Variants in DAB2IP observed in about 807,000 individuals in gnomAD.
DAB2IP encodes the protein DAB2 interacting protein.
Under a neutral mutation model 107.2 loss-of-function variants are expected in DAB2IP, and 28 were observed. The observed-to-expected ratio is 0.26, with a 90% CI of 0.19 to 0.36. DAB2IP has a LOEUF of 0.36. Among genes scored for constraint, DAB2IP ranks in the 10% least tolerant of loss-of-function variants. The pLI is 1.00. For missense variants in DAB2IP, 1,400 were observed against 1,644.7 expected (o/e 0.85, Z 2.57); for synonymous variants, 755 against 706.4 (o/e 1.07, Z -1.09).
chr9:121,711,523 A>G (rs1830336610), intron 3 of DAB2IP, among the ~76,000 whole-genome samples: 1 of 152,178 alleles, frequency 6.6e-6, no homozygotes, highest in Admixed American at 6.5e-5. Flanking sequence ...GCAGCTGTTA[A>G]CATCTGTGGA....
At chr9:121,783,613 G>GGGAAATAGCGGCCCTGGAGGAT in exon 16 of DAB2IP, 1 of 1,579,118 alleles carries the variant, frequency 6.3e-7, no homozygotes, top group Non-Finnish European at 8.7e-7. Flanking sequence ...CGCACTGCAT[G>GGGAAATAGCGGCCCTGGAGGAT]GGAAATAGCG....
intron 1 of DAB2IP, among the ~76,000 whole-genome samples, chr9:121,652,402 C>T (rs1199695594): frequency 6.6e-6 from 1 of 152,180 alleles, no homozygotes; most frequent in Non-Finnish European, 1.5e-5. Flanking sequence ...CAAAGTTTCT[C>T]TCCATCAAGC....
intron 1 of DAB2IP, among the ~76,000 whole-genome samples, chr9:121,586,007 C>T (rs1830304024): frequency 6.6e-6 from 1 of 152,126 alleles, no homozygotes; most frequent in African/African-American, 2.4e-5. Flanking sequence ...GTCGCTGGGC[C>T]TCTCCCTGCA....
chr9:121,679,542 G>A (rs778804289), intron 2 of DAB2IP, among the ~76,000 whole-genome samples: 39 of 152,108 alleles, frequency 2.6e-4, no homozygotes, highest in African/African-American at 4.3e-4. Context: ...GAAACGCAGC[G>A]ATGACATAGA....
intron 2 of DAB2IP, among the ~76,000 whole-genome samples, chr9:121,681,440 A>G (rs996890610): frequency 3.9e-5 from 6 of 152,166 alleles, no homozygotes; most frequent in African/African-American, 1.4e-4. Flanking sequence ...AACCACCTTC[A>G]GTCAGAGCCA....
Position 121,627,141 on chromosome 9 carries a change from TCACA to T in DAB2IP, c.41-51512_41-51509del, listed in dbSNP as rs374127830. Among the ~76,000 whole-genome samples, 516 of 126,566 alleles carry T rather than the reference TCACA, an allele frequency of 4.1e-3. 5 individuals are homozygous for T. The highest frequency in any genetic ancestry group is 0.032 in the South Asian group (119 of 3,696). The allele number at this position is 126,566 out of a possible 152,430, so 83.0% of individuals were successfully genotyped here. A position where few individuals can be genotyped will look rare whatever the true frequency, so the allele number is the denominator to read the frequency against. On this transcript the variant is annotated intron_variant, in intron 1 of 16. Coordinates refer to the DAB2IP transcript ENST00000259371. ...ACTCAACACACACACACACACACAC[TCACA>T]CACACACACACACACACACACACAA... is the stretch of plus-strand genomic sequence containing the variant.
rs528913973 is a variant in DAB2IP, at chr9:121,662,452, A to G, written c.124+10553A>G. On this transcript the variant is annotated intron_variant, in intron 1 of 15. Coordinates refer to ENST00000408936, the Ensembl canonical transcript of DAB2IP. The surrounding 1 kb of genome is among the most constrained non-coding windows in gnomAD (Gnocchi z 4.6). ...AACATAGGGAGTTATATGAAATTCA[A>G]ATTTCAATGCCCATAAATAAAGTTT... 3.3e-5 allele frequency among the ~76,000 whole-genome samples: 5 copies of G among 152,336 alleles called. No individual in the cohort carries two copies. The highest frequency in any genetic ancestry group is 9.6e-5 in the African/African-American group (4 of 41,580).
chr9:121,581,711 G>C (rs933959437), intron 1 of DAB2IP, among the ~76,000 whole-genome samples: 5 of 152,218 alleles, frequency 3.3e-5, no homozygotes, highest in African/African-American at 1.2e-4. Context: ...GCCTAGTCCT[G>C]CTCCAGGGAG....
chr9:121,668,468 G>A (rs553515962), intron 1 of DAB2IP, among the ~76,000 whole-genome samples: 3 of 152,224 alleles, frequency 2.0e-5, no homozygotes, highest in East Asian at 1.9e-4. Flanking sequence ...TGAACTCCTG[G>A]CCTCAAGCAG....
At chr9:121,602,464 G>A (rs1307058272) in intron 1 of DAB2IP, among the ~76,000 whole-genome samples, 1 of 152,160 alleles carries the variant, frequency 6.6e-6, no homozygotes, top group Non-Finnish European at 1.5e-5. Flanking sequence ...TACTATCATA[G>A]CTCACTAAGG....
At position 121,684,563 on chromosome 9, in the gene DAB2IP, C is replaced by T. The variant is rs915812205; in HGVS notation, c.228+5782C>T. 6.6e-6 allele frequency among the ~76,000 whole-genome samples: 1 copy of T among 152,216 alleles called. No individual in the cohort carries two copies. The highest frequency in any genetic ancestry group is 1.5e-5 in the Non-Finnish European group (1 of 68,032). The stretch of plus-strand genomic sequence containing the variant: ...ACACTGCCCCCTCCTGGCCACCAGG[C>T]CCCAGCCCCAGCTGTAGAGGGACCC... On this transcript the variant is annotated intron_variant, in intron 2 of 15. Transcript: ENST00000408936. The surrounding 1 kb of genome is among the most constrained non-coding windows in gnomAD (Gnocchi z 4.0).
chr9:121,641,969 TCTC>T (rs1252710844), intron 1 of DAB2IP, among the ~76,000 whole-genome samples: 1 of 137,208 alleles, frequency 7.3e-6, no homozygotes, highest in Non-Finnish European at 1.6e-5. Flanking sequence ...TTTCTCTCTC[TCTC>T]TTTCTTTCTT....
chr9:121,713,444 G>T (rs906034086), intron 3 of DAB2IP, among the ~76,000 whole-genome samples: 1 of 152,146 alleles, frequency 6.6e-6, no homozygotes, highest in Non-Finnish European at 1.5e-5. Context: ...TTGTAGACAG[G>T]GGCCTAAAAC....
chr9:121,745,960 G>T (rs1026250842), intron 3 of DAB2IP, among the ~76,000 whole-genome samples: 1 of 152,158 alleles, frequency 6.6e-6, no homozygotes, highest in East Asian at 1.9e-4. Context: ...CTTAAATGGG[G>T]GTCTTTCAGA....
chr9:121,781,545 T>C (rs1835647902), exon 15 of DAB2IP: 1 of 1,613,784 alleles, frequency 6.2e-7, no homozygotes, highest in Admixed American at 1.7e-5. Flanking sequence ...AGATCATTGA[T>C]GCCCAGGTGG....
At chr9:121,642,488 C>CTTT (rs59223844) in intron 1 of DAB2IP, among the ~76,000 whole-genome samples, 9 of 131,182 alleles carry the variant, frequency 6.9e-5, no homozygotes, top group East Asian at 2.1e-4. Flanking sequence ...GCTTTTTTTT[C>CTTT]TTTTTTTTTT....
Position 121,599,464 on chromosome 9 carries a change from GC to G in DAB2IP, c.40+32237del, listed in dbSNP as rs1178694470. ...CCGCGCTGGGTCCCGGGCCTGGCGG[GC>G]GGAGCTGTGGGCGGCTGGGCCTGCG... On this transcript the variant is annotated intron_variant, in intron 1 of 16. Coordinates refer to the DAB2IP transcript ENST00000259371. This position sits in a 1 kb window ranked among gnomAD's most constrained non-coding sequence, Gnocchi z 6.9. 6.6e-6 allele frequency among the ~76,000 whole-genome samples: 1 copy of G among 152,040 alleles called. No homozygotes were observed. The highest frequency in any genetic ancestry group is 1.9e-4 in the East Asian group (1 of 5,162).
At chr9:121,677,848 G>A (rs1243428201) in intron 1 of DAB2IP, among the ~76,000 whole-genome samples, 1 of 152,140 alleles carries the variant, frequency 6.6e-6, no homozygotes, top group Non-Finnish European at 1.5e-5. Flanking sequence ...TGTCAGTAGA[G>A]ACAGGGTTTC....
chr9:121,608,477 G>A (rs1184638256), intron 1 of DAB2IP, among the ~76,000 whole-genome samples: 1 of 152,110 alleles, frequency 6.6e-6, no homozygotes, highest in Non-Finnish European at 1.5e-5. Context: ...GAGGTCCCAG[G>A]GAGCAAAGGC....
Sources: gnomAD v4.1 joint callset for allele counts (sites outside exome capture counted in the v4.1 genomes callset) on GRCh38, gnomAD v4.1.1 for gene constraint, Gnocchi (gnomAD v3.1) non-coding constraint, MANE v1.5 for transcripts, NCBI Gene and HGNC (gene_info 2026-07-23, HGNC 2026-07-21) for gene names.